Variants in TDRD9 observed in about 807,000 individuals in gnomAD.
TDRD9 encodes the protein ATP-dependent RNA helicase TDRD9.
A neutral mutation model predicts 172.6 loss-of-function variants in TDRD9; 124 were observed. The ratio of observed to expected loss-of-function variants is 0.72; its 90% CI spans 0.62 to 0.83. The LOEUF is 0.83. Among genes scored for constraint, TDRD9 ranks in the 40% least tolerant of loss-of-function variants. The pLI, the probability that TDRD9 is intolerant of heterozygous loss-of-function variation, is 0.00. For synonymous variants in TDRD9, 619 were observed against 617.1 expected, an observed-to-expected ratio of 1.00 and a Z score of -0.05; for missense variants, 1,479 against 1,714.1, an observed-to-expected ratio of 0.86 and a Z score of 2.42.
At chr14:103,928,792 C>G (rs1468300101) in intron 1 of TDRD9, 68 bp downstream of exon 1, 1 of 475,664 alleles carries the variant, frequency 2.1e-6, no homozygotes, top group Non-Finnish European at 3.1e-6. Flanking sequence ...AGGGCACGGG[C>G]CATCCAGATC....
intron 5 of TDRD9, among the ~76,000 whole-genome samples, chr14:103,968,804 A>AAAAAAAAAAAAAAAAAAAAG (rs1555366387): frequency 8.1e-6 from 1 of 123,572 alleles, no homozygotes; most frequent in African/African-American, 2.9e-5. Flanking sequence ...TCAAAAAAAA[A>AAAAAAAAAAAAAAAAAAAAG]GAATAAAGTA....
chr14:103,943,330 T>A (rs2031356210), intron 1 of TDRD9, among the ~76,000 whole-genome samples: 1 of 151,670 alleles, frequency 6.6e-6, no homozygotes, highest in South Asian at 2.1e-4. Flanking sequence ...AAAAAATATA[T>A]ACACACGCAC....
At chr14:104,030,980 A>G in intron 28 of TDRD9, 128 bp from the exon 29 acceptor site, 1 of 880,924 alleles carries the variant, frequency 1.1e-6, no homozygotes, top group South Asian at 1.7e-5. Flanking sequence ...AAGTGTAATA[A>G]TAATAAAATA....
rs184988583 is a variant in TDRD9, at chr14:103,948,795, C to T, written c.216-6869C>T. The stretch of plus-strand genomic sequence containing the variant: ...CTGAGATGGGAGGATTGCATGAGCC[C>T]AGAAGTTTAAGGCTGCAGTGAGCTA... On this transcript the variant is annotated intron_variant, in intron 1 of 35. Transcript: ENST00000409874. Among the ~76,000 whole-genome samples the T allele has an allele frequency of 2.6e-4, 38 of 145,406 alleles. 2 individuals are homozygous for T. The East Asian group carries it at 7.5e-3, about 29-fold the overall frequency.
At chr14:104,022,983 G>A (rs1361993713) in intron 24 of TDRD9, among the ~76,000 whole-genome samples, 2 of 151,282 alleles carry the variant, frequency 1.3e-5, no homozygotes, top group Non-Finnish European at 2.9e-5. Flanking sequence ...AGTTCAAAAC[G>A]AGCCTGGCCG....
intron 32 of TDRD9, among the ~76,000 whole-genome samples, chr14:104,039,297 A>G (rs769668709): frequency 6.6e-6 from 1 of 152,192 alleles, no homozygotes; most frequent in Non-Finnish European, 1.5e-5. Flanking sequence ...GGGATTATTT[A>G]GGATGAGATT....
intron 1 of TDRD9, 86 bp downstream of exon 1, chr14:103,928,810 C>A: frequency 2.6e-6 from 1 of 388,484 alleles, no homozygotes; most frequent in Admixed American, 5.2e-5. Context: ...ATCCTTCTCG[C>A]GAGCCCGTGC....
Position 103,928,680 on chromosome 14 carries a change from G to C in TDRD9, c.171G>C (p.Pro57=). 3 of 1,220,678 alleles carry C rather than the reference G, an allele frequency of 2.5e-6. No individual in the cohort carries two copies. The highest frequency in any genetic ancestry group is 3.5e-5 in the East Asian group (1 of 28,300). The allele number at this position is 1,220,678 out of a possible 1,614,324, so 75.6% of individuals were successfully genotyped here. A position where few individuals can be genotyped will look rare whatever the true frequency, so the allele number is the denominator to read the frequency against. ...GCGCTGGTCCCGCGGCCCAGGCTCC[G>C]GCTCTGGCCCAAGCTCCGGCCCGGC... The part of the protein sequence containing the change: ...APGAGPAAQA[P]ALAQAPARPA... Residue 57 remains proline, a synonymous_variant, in exon 1 of 36, where the codon CCG becomes CCC. Transcript: ENST00000409874.
chr14:103,986,320 G>A lies in TDRD9; in HGVS notation c.1115G>A (p.Gly372Glu). 6.3e-7 allele frequency: 1 copy of A among 1,595,704 alleles called. No homozygotes were observed. Reference protein sequence around the residue: ...MFDDLDMKESGNKAWSGAQFV... With the variant: ...MFDDLDMKESENKAWSGAQFV... ...GATGACTTGGATATGAAGGAGAGTG[G>A]GTAAGAGATACTTCAGTTGGTAATG... is the stretch of plus-strand genomic sequence containing the variant. The change falls in exon 8 of 36, where the codon GGG becomes GAG. Residue 372 changes from glycine to glutamate, a missense_variant and splice_region_variant. Coordinates refer to ENST00000409874, the MANE Select transcript of TDRD9 (RefSeq NM_153046.3).
intron 1 of TDRD9, chr14:103,939,680 T>G (rs954221160): frequency 4.1e-4 from 52 of 128,264 alleles, no homozygotes; most frequent in Non-Finnish European, 1.4e-4. Flanking sequence ...TAGGAGGGTT[T>G]TTTTTTTTTT....
chr14:103,934,545 G>A (rs1005762695), intron 1 of TDRD9, among the ~76,000 whole-genome samples: 43 of 152,304 alleles, frequency 2.8e-4, no homozygotes, highest in African/African-American at 9.6e-4. Flanking sequence ...TTGGGAGGCC[G>A]AGGCGGGTGG....
At chr14:104,046,189 T>A (rs2035770135) in intron 34 of TDRD9, among the ~76,000 whole-genome samples, 1 of 152,180 alleles carries the variant, frequency 6.6e-6, no homozygotes, top group African/African-American at 2.4e-5. Context: ...TCTCTTGACG[T>A]CGTGATCTGC....
In TDRD9 at chr14:103,999,745, T is replaced by A. The variant is rs8017236; in HGVS notation, c.1483+1017T>A. 9.7e-3 allele frequency among the ~76,000 whole-genome samples: 1,092 copies of A among 112,686 alleles called. 95 individuals are homozygous for A. Among genetic ancestry groups the A allele is most frequent in the African/African-American group, 0.035 (1,023 of 29,088 alleles). The allele number at this position is 112,686 out of a possible 152,430, so 73.9% of individuals were successfully genotyped here. A position where few individuals can be genotyped will look rare whatever the true frequency, so the allele number is the denominator to read the frequency against. On this transcript the variant is annotated intron_variant, in intron 13 of 35. Coordinates refer to ENST00000409874, the MANE Select transcript of TDRD9 (RefSeq NM_153046.3). ...GGCAACATTGATTGAATATTTACCATATGCCAGACATTCTTCTAAGTATTT... is the reference window on the plus strand; with the variant it reads ...GGCAACATTGATTGAATATTTACCAAATGCCAGACATTCTTCTAAGTATTT...
At chr14:104,043,445 T>G (rs1445071283) in intron 34 of TDRD9, among the ~76,000 whole-genome samples, 3 of 152,060 alleles carry the variant, frequency 2.0e-5, no homozygotes, top group African/African-American at 7.3e-5. Context: ...TTCACCATGT[T>G]GGTCAGGTGA....
chr14:103,952,990 TC>T (rs1479264744), intron 1 of TDRD9, among the ~76,000 whole-genome samples: 1 of 152,002 alleles, frequency 6.6e-6, no homozygotes, highest in Non-Finnish European at 1.5e-5. Context: ...TCCACCCGCC[TC>T]GACCTCCTAA....
At chr14:103,945,862 C>T (rs2031528686) in intron 1 of TDRD9, among the ~76,000 whole-genome samples, 3 of 152,028 alleles carry the variant, frequency 2.0e-5, no homozygotes, top group African/African-American at 7.2e-5. Context: ...AGGAGCCAGA[C>T]ATAACTTTTT....
intron 30 of TDRD9, among the ~76,000 whole-genome samples, chr14:104,033,396 G>A (rs1163795024): frequency 6.6e-6 from 1 of 152,216 alleles, no homozygotes; most frequent in African/African-American, 2.4e-5. Context: ...GTAACCCAGG[G>A]TGGGAATATG....
intron 1 of TDRD9, among the ~76,000 whole-genome samples, chr14:103,953,655 T>C (rs1050840912): frequency 5.9e-5 from 9 of 152,110 alleles, no homozygotes; most frequent in Admixed American, 2.0e-4. Context: ...GGGTAACTGA[T>C]GCTGTAACTC....
chr14:103,987,909 T>A (rs1480694556), intron 8 of TDRD9, among the ~76,000 whole-genome samples: 1 of 152,234 alleles, frequency 6.6e-6, no homozygotes, highest in African/African-American at 2.4e-5. Context: ...GTTTTTGCTT[T>A]ATGTATTTTG....
Sources: allele counts gnomAD v4.1 joint callset (sites outside exome capture counted in the v4.1 genomes callset), GRCh38; gene constraint gnomAD v4.1.1; transcripts MANE v1.5; gene names NCBI Gene and HGNC (gene_info 2026-07-23, HGNC 2026-07-21).